Variants in NEB observed in about 807,000 individuals in gnomAD.
NEB encodes nemaline myopathy type 2.
NEB carries 512 observed loss-of-function variants against 952.2 expected under a neutral mutation model. That is an observed-to-expected ratio of 0.54 (90% CI 0.50 to 0.58). The LOEUF (loss-of-function observed/expected upper bound fraction) is 0.58, where lower values mean the gene tolerates loss of function less well. Among genes scored for constraint, NEB ranks in the 20% least tolerant of loss-of-function variants. The probability of loss-of-function intolerance (pLI) is 0.00; values close to 1 mark genes in which losing one functional copy is unlikely to be tolerated. For missense variants in NEB, 8,428 were observed against 9,231.1 expected (o/e 0.91, Z 3.56); for synonymous variants, 2,900 against 3,149.8 (o/e 0.92, Z 2.66).
chr2:151,560,570 G>T (rs773022751), intron 124 of NEB, 22 bp downstream of exon 124: 1 of 1,562,562 alleles, frequency 6.4e-7, no homozygotes. Flanking sequence ...TGGGAAAGCT[G>T]TCATGTTTTT....
chr2:151,725,050 C>A, intron 6 of NEB, 89 bp from the exon 7 acceptor site: 1 of 975,600 alleles, frequency 1.0e-6, no homozygotes, highest in African/African-American at 1.6e-5. Context: ...AGCATTACCC[C>A]AATGACTCTA....
chr2:151,648,454 T>C (rs527787338), intron 54 of NEB, among the ~76,000 whole-genome samples: 2 of 152,344 alleles, frequency 1.3e-5, no homozygotes, highest in South Asian at 4.1e-4. Flanking sequence ...TAAAAAATTT[T>C]TTTATTTCCA....
chr2:151,698,431 G>T (rs998214077), intron 13 of NEB, among the ~76,000 whole-genome samples: 6 of 152,092 alleles, frequency 3.9e-5, no homozygotes, highest in Non-Finnish European at 5.9e-5. Context: ...GAATAGGTAT[G>T]AGGTTTATGG....
chr2:151,730,308 T>C (rs911480780), intron 3 of NEB, among the ~76,000 whole-genome samples: 2 of 152,052 alleles, frequency 1.3e-5, no homozygotes, highest in African/African-American at 4.8e-5. Context: ...AATGAGAAGA[T>C]TCTTCATCAC....
At chr2:151,633,604 T>C in intron 65 of NEB, 50 bp downstream of exon 65, 1 of 1,547,090 alleles carries the variant, frequency 6.5e-7, no homozygotes, top group Non-Finnish European at 8.7e-7. Flanking sequence ...AATTTTCACA[T>C]AGTTTAAATT....
intron 36 of NEB, 32 bp from the exon 37 acceptor site, chr2:151,672,712 T>C (rs750970430): frequency 2.6e-6 from 4 of 1,541,866 alleles, no homozygotes; most frequent in Non-Finnish European, 1.8e-6. Context: ...AGCAAAGTCC[T>C]AGGCATTGAT....
chr2:151,583,649 C>G lies in NEB; in HGVS notation c.15781G>C (p.Glu5261Gln), dbSNP rs1391372707. Reference sequence around the variant, plus strand: ...GACTTCTCATAAGCTTTCTTATATTCTCTGTCACTCTGGATCTTGGCAGCA... The same window carrying G: ...GACTTCTCATAAGCTTTCTTATATTGTCTGTCACTCTGGATCTTGGCAGCA... The part of the protein sequence containing the change: ...IHAAKIQSDR[E>Q]YKKAYEKSKG... The change falls in exon 101 of 182, where the codon GAA becomes CAA. Residue 5261 changes from glutamate (E) to glutamine (Q), a missense_variant. Physicochemically the swap from Glu to Gln is conservative, Grantham distance 29. This residue lies in a region of NEB where 40 missense variants were observed against 61.2 expected (regional missense o/e 0.65). Coordinates refer to ENST00000397345, the MANE Select transcript of NEB (RefSeq NM_001164508.2). 2.4e-6 allele frequency: 1 copy of G among 409,616 alleles called. No homozygotes were observed. The highest frequency in any genetic ancestry group is 4.1e-6 in the Non-Finnish European group (1 of 244,670). The allele number at this position is 409,616 out of a possible 1,614,324, so 25.4% of individuals were successfully genotyped here.
chr2:151,672,279 T>C, intron 37 of NEB, 90 bp downstream of exon 37: 4 of 1,233,234 alleles, frequency 3.2e-6, no homozygotes, highest in Non-Finnish European at 3.3e-6. Flanking sequence ...ATTTGTCAAA[T>C]AGCTGACTGT....
In NEB at chr2:151,531,792, A is replaced by G. The variant is rs185169373; in HGVS notation, c.21522T>C (p.Asp7174=). The change falls in exon 144 of 182, where the codon GAT becomes GAC. Residue 7174 remains aspartate (D), a splice_region_variant and synonymous_variant. Transcript: ENST00000397345. ...GGTATTCAGTGTTTCTTGCACTTACATCGCTGATTTGTTTGTTGACTTTTG... is the reference window on the plus strand; with the variant it reads ...GGTATTCAGTGTTTCTTGCACTTACGTCGCTGATTTGTTTGTTGACTTTTG... ...RTTKVNKQIS[D]ILYKLEYNKA... 9.8e-5 allele frequency: 158 copies of G among 1,605,758 alleles called. 1 individual carries two copies. The East Asian group carries it at 2.9e-3, about 29-fold the overall frequency.
At chr2:151,690,866 C>A (rs1430420879) in intron 23 of NEB, 41 bp from the exon 24 acceptor site, 9 of 1,396,320 alleles carry the variant, frequency 6.4e-6, no homozygotes, top group Non-Finnish European at 9.0e-6. Context: ...TCAGTATATT[C>A]TTGGTTATAC....
intron 153 of NEB, among the ~76,000 whole-genome samples, chr2:151,520,217 T>G (rs974022549): frequency 1.3e-5 from 2 of 152,146 alleles, no homozygotes; most frequent in Non-Finnish European, 2.9e-5. Context: ...TCTGTTAAAT[T>G]AGGAGAATTT....
intron 48 of NEB, among the ~76,000 whole-genome samples, chr2:151,656,740 T>C (rs1372818010): frequency 1.3e-5 from 2 of 151,942 alleles, no homozygotes; most frequent in Non-Finnish European, 2.9e-5. Flanking sequence ...CTGAGGCCAC[T>C]GAGGATTAGA....
chr2:151,647,074 G>C (rs892112955), intron 54 of NEB, among the ~76,000 whole-genome samples: 6 of 151,984 alleles, frequency 3.9e-5, no homozygotes, highest in Non-Finnish European at 8.8e-5. Context: ...AGAAGACAAG[G>C]GGATCCAAAC....
intron 142 of NEB, among the ~76,000 whole-genome samples, chr2:151,533,924 A>G (rs552027767): frequency 6.6e-6 from 1 of 152,338 alleles, no homozygotes; most frequent in African/African-American, 2.4e-5. Flanking sequence ...TTTGCAACTC[A>G]ATCTGCAGTT....
At chr2:151,514,791 G>A in intron 158 of NEB, 27 bp downstream of exon 158, 1 of 1,438,032 alleles carries the variant, frequency 7.0e-7, no homozygotes, top group Non-Finnish European at 9.6e-7. Context: ...GGATTAAGAG[G>A]GAAAGAAAAG....
At chr2:151,504,141 C>G (rs1449925273) in intron 165 of NEB, among the ~76,000 whole-genome samples, 1 of 152,180 alleles carries the variant, frequency 6.6e-6, no homozygotes. Context: ...ATTAAGTTTT[C>G]AGCCTAAAGG....
intron 23 of NEB, among the ~76,000 whole-genome samples, chr2:151,691,557 G>A (rs1429152863): frequency 6.6e-6 from 1 of 152,128 alleles, no homozygotes; most frequent in African/African-American, 2.4e-5. Context: ...GGCCCAGCAT[G>A]GCTTCTCACA....
In NEB at chr2:151,664,603, C is replaced by T. The variant is rs773501163; in HGVS notation, c.5349G>A (p.Leu1783=). The change falls in exon 44 of 182, where the codon CTG becomes CTA. Residue 1783 remains leucine (L), a synonymous_variant. Coordinates refer to ENST00000397345, the MANE Select transcript of NEB (RefSeq NM_001164508.2). ...RVNQITMSDK[L]YKAGWEEEKK... The stretch of plus-strand genomic sequence containing the variant: ...TTTCCTCTTCCCAGCCAGCTTTGTA[C>T]AGTTTCTAAACAATAAAATAGAAAA... 2 of 1,601,066 alleles carry T rather than the reference C, an allele frequency of 1.2e-6. No homozygotes were observed. Among genetic ancestry groups the T allele is most frequent in the South Asian group, 2.3e-5 (2 of 88,712 alleles).
At chr2:151,611,746 C>T (rs1185649428) in intron 78 of NEB, among the ~76,000 whole-genome samples, 3 of 152,174 alleles carry the variant, frequency 2.0e-5, no homozygotes, top group Non-Finnish European at 4.4e-5. Flanking sequence ...GGAGGAGCAA[C>T]CTGAGCAACC....
Sources: allele counts gnomAD v4.1 joint callset (sites outside exome capture counted in the v4.1 genomes callset), GRCh38; gene constraint gnomAD v4.1.1; regional missense constraint gnomAD v4.1.1; transcripts MANE v1.5; gene names NCBI Gene and HGNC (gene_info 2026-07-23, HGNC 2026-07-21).